Variants in ZNF518A observed in about 807,000 individuals in gnomAD.
ZNF518A encodes zinc finger protein 518.
In ZNF518A, 47 loss-of-function variants were observed where a neutral mutation model predicts 102.7. The observed-to-expected ratio is 0.46, with a 90% CI of 0.36 to 0.58. ZNF518A has a LOEUF of 0.58. ZNF518A is among the 20% of genes least tolerant of loss of function. The pLI is 0.00. For synonymous variants in ZNF518A, 652 were observed against 594.6 expected, an observed-to-expected ratio of 1.10 and a Z score of -1.40; for missense variants, 1,793 against 1,699.8, an observed-to-expected ratio of 1.05 and a Z score of -0.96.
intron 3 of ZNF518A, among the ~76,000 whole-genome samples, chr10:96,149,239 G>A (rs2082318374): frequency 6.6e-6 from 1 of 152,126 alleles, no homozygotes; most frequent in South Asian, 2.1e-4. Context: ...GATGGCTTAT[G>A]GGCCATCAGC....
intron 1 of ZNF518A, among the ~76,000 whole-genome samples, chr10:96,132,297 G>A (rs1341002975): frequency 3.3e-5 from 5 of 151,200 alleles, no homozygotes; most frequent in Non-Finnish European, 7.4e-5. Context: ...AATTGGAACC[G>A]GATCCAGATA....
intron 1 of ZNF518A, among the ~76,000 whole-genome samples, chr10:96,170,104 T>C (rs2083165005): frequency 6.6e-6 from 1 of 152,238 alleles, no homozygotes; most frequent in Non-Finnish European, 1.5e-5. Context: ...CTCACATCTT[T>C]TCTAAGCACA....
chr10:96,165,394 A>C (rs1366178919), downstream of ZNF518A, among the ~76,000 whole-genome samples: 1 of 151,392 alleles, frequency 6.6e-6, no homozygotes, highest in Non-Finnish European at 1.5e-5. Context: ...GGCATGAGCC[A>C]CCATGCCCAG....
At chr10:96,187,357 G>A (rs1296584912) in intron 1 of ZNF518A, among the ~76,000 whole-genome samples, 4 of 152,162 alleles carry the variant, frequency 2.6e-5, no homozygotes, top group African/African-American at 7.2e-5. Context: ...TAGAGGCTGA[G>A]TTATATGGTG....
chr10:96,201,400 C>G (rs1260340935), intron 1 of ZNF518A, among the ~76,000 whole-genome samples: 1 of 152,106 alleles, frequency 6.6e-6, no homozygotes, highest in Non-Finnish European at 1.5e-5. Context: ...AAGAGATTTA[C>G]AAAATGTAAA....
intron 1 of ZNF518A, among the ~76,000 whole-genome samples, chr10:96,178,660 A>G (rs2133890098): frequency 6.6e-6 from 1 of 152,208 alleles, no homozygotes; most frequent in South Asian, 2.1e-4. Flanking sequence ...TAATGAAATG[A>G]AAACTTGGTT....
intron 3 of ZNF518A, among the ~76,000 whole-genome samples, chr10:96,138,788 G>A (rs954160436): frequency 6.6e-6 from 1 of 152,138 alleles, no homozygotes; most frequent in Admixed American, 6.5e-5. Flanking sequence ...TGGTGATGTA[G>A]TAAAGGACAT....
chr10:96,129,957 A>G (rs1403676773), upstream of ZNF518A: 3 of 152,530 alleles, frequency 2.0e-5, no homozygotes, highest in Non-Finnish European at 4.4e-5. Flanking sequence ...CCGAGCGCGG[A>G]CCCTGCCGGC....
Position 96,159,670 on chromosome 10 carries a change from G to A in ZNF518A, c.3348G>A (p.Glu1116=). ...FLKCVMPNKT[E]LLKPKLVQNS... ...AGTGTGTGATGCCAAATAAAACTGA[G>A]CTGCTTAAGCCCAAATTAGTCCAAA... The change falls in exon 6 of 6, where the codon GAG becomes GAA. Residue 1116 remains glutamate (E), a synonymous_variant. Coordinates refer to ENST00000316045, the MANE Select transcript of ZNF518A (RefSeq NM_001330736.2). The A allele has an allele frequency of 6.2e-7, 1 of 1,613,520 alleles. No individual in the cohort carries two copies. The highest frequency in any genetic ancestry group is 1.1e-5 in the South Asian group (1 of 91,070).
intron 1 of ZNF518A, among the ~76,000 whole-genome samples, chr10:96,199,329 G>A (rs1032245103): frequency 1.2e-4 from 19 of 152,156 alleles, no homozygotes; most frequent in African/African-American, 1.4e-4. Flanking sequence ...TTGAAGTTGG[G>A]CTCTCCAAAC....
At chr10:96,163,797 T>C (rs1378649716), downstream of ZNF518A, 1 of 166,962 alleles carries the variant, frequency 6.0e-6, no homozygotes, top group African/African-American at 2.4e-5. Flanking sequence ...AGACATAGTT[T>C]ACTGACTGTT....
At chr10:96,140,714 T>G (rs1411347773) in intron 3 of ZNF518A, among the ~76,000 whole-genome samples, 2 of 151,708 alleles carry the variant, frequency 1.3e-5, no homozygotes, top group Non-Finnish European at 2.9e-5. Flanking sequence ...GCAAATTGCT[T>G]GAGACCAGGA....
At position 96,163,501 on chromosome 10, in the gene ZNF518A, T is replaced by TA. The variant is rs1257960015; in HGVS notation, c.*2733dup. ...GGTTTCTTACTATTTGGCAAGTACT[T>TA]AAAAAACATAATTCAGTTTTCAAAG... On this transcript the variant is annotated 3_prime_UTR_variant, in exon 6 of 6. Transcript: ENST00000316045. 16 of 167,084 alleles carry TA rather than the reference T, an allele frequency of 9.6e-5. No individual in the cohort carries two copies. Among genetic ancestry groups the TA allele is most frequent in the Non-Finnish European group, 1.9e-4 (13 of 68,108 alleles). The allele number at this position is 167,084 out of a possible 1,614,324, so 10.4% of individuals were successfully genotyped here.
chr10:96,204,455 C>T, downstream of ZNF518A: 2 of 1,410,902 alleles, frequency 1.4e-6, no homozygotes, highest in South Asian at 1.2e-5. Context: ...GTCAGTGTCA[C>T]TGTGCAGTGA....
At chr10:96,154,754 T>C (rs75042907) in intron 3 of ZNF518A, among the ~76,000 whole-genome samples, 4,248 of 152,322 alleles carry the variant, frequency 0.028, 98 homozygotes, top group Non-Finnish European at 0.044. Context: ...ACCTTTTCTT[T>C]GTAATACTAA....
intron 3 of ZNF518A, among the ~76,000 whole-genome samples, chr10:96,138,904 C>CA (rs1351181310): frequency 1.5e-5 from 2 of 134,226 alleles, no homozygotes; most frequent in African/African-American, 2.8e-5. Flanking sequence ...TTAAGTGTTA[C>CA]AAAAAAAGAA....
intron 3 of ZNF518A, among the ~76,000 whole-genome samples, chr10:96,149,305 A>G (rs1554879654): frequency 6.6e-6 from 1 of 152,180 alleles, no homozygotes; most frequent in Non-Finnish European, 1.5e-5. Context: ...GAAGCAGAAA[A>G]AAAGGGGATA....
chr10:96,201,157 ATC>A, intron 1 of ZNF518A: 1 of 1,079,638 alleles, frequency 9.3e-7, no homozygotes, highest in Non-Finnish European at 1.4e-6. Context: ...CCAGGGACAC[ATC>A]CACCAAAAAA....
intron 1 of ZNF518A, chr10:96,192,000 T>G (rs1212284881): frequency 6.2e-7 from 1 of 1,613,654 alleles, no homozygotes; most frequent in Non-Finnish European, 8.5e-7. Flanking sequence ...CATACTTCAG[T>G]CTGGTGGAAT....
Sources: allele counts gnomAD v4.1 joint callset (sites outside exome capture counted in the v4.1 genomes callset), GRCh38; gene constraint gnomAD v4.1.1; transcripts MANE v1.5; gene names NCBI Gene and HGNC (gene_info 2026-07-23, HGNC 2026-07-21).